DLGAP1: variants seen among roughly 807,000 people sequenced by gnomAD.
DLGAP1 encodes disks large-associated protein 1.
Under a neutral mutation model 90.8 loss-of-function variants are expected in DLGAP1, and 11 were observed. The ratio of observed to expected loss-of-function variants is 0.12; its 90% CI spans 0.08 to 0.20. The LOEUF (loss-of-function observed/expected upper bound fraction) is 0.20. Among genes scored for constraint, DLGAP1 ranks in the 10% least tolerant of loss-of-function variants. DLGAP1 has a pLI of 1.00. For missense variants in DLGAP1, 1,050 were observed against 1,333.8 expected, an observed-to-expected ratio of 0.79 and a Z score of 3.31; for synonymous variants, 558 against 540.7, an observed-to-expected ratio of 1.03 and a Z score of -0.44.
chr18:3,783,796 C>T lies in DLGAP1; in HGVS notation c.1172+30263G>A, dbSNP rs560814501. 2.7e-3 allele frequency among the ~76,000 whole-genome samples: 405 copies of T among 152,272 alleles called. 4 individuals carry two copies. The highest frequency in any genetic ancestry group is 9.4e-3 in the African/African-American group (390 of 41,552). On this transcript the variant is annotated intron_variant, in intron 5 of 12. Coordinates refer to ENST00000315677, the MANE Select transcript of DLGAP1 (RefSeq NM_004746.4). ...GCATTATATCTAAATAAAGTGGTTA[C>T]TACAAAAAGCAATATCCTTTGGAAG...
At chr18:3,765,215 T>C (rs147115187) in intron 5 of DLGAP1, among the ~76,000 whole-genome samples, 2,060 of 147,380 alleles carry the variant, frequency 0.014, 20 homozygotes, top group Non-Finnish European at 0.021. Flanking sequence ...GCAGCAAGCT[T>C]TGCCTCCCGG....
At chr18:4,007,286 T>C (rs921329938) in intron 2 of DLGAP1, among the ~76,000 whole-genome samples, 6 of 151,484 alleles carry the variant, frequency 4.0e-5, no homozygotes, top group African/African-American at 1.5e-4. Flanking sequence ...GGCTGAAGAG[T>C]GAGTGACCCT....
intron 2 of DLGAP1, among the ~76,000 whole-genome samples, chr18:4,071,858 T>C (rs1390600472): frequency 6.6e-6 from 1 of 152,214 alleles, no homozygotes; most frequent in Non-Finnish European, 1.5e-5. Flanking sequence ...TTCAACTTTG[T>C]TAATTCAAAG....
intron 2 of DLGAP1, 186 bp from the exon 3 acceptor site, chr18:4,005,387 A>G (rs948558844): frequency 3.9e-5 from 6 of 152,178 alleles, no homozygotes; most frequent in Non-Finnish European, 8.8e-5. Context: ...AAGGTCTAAG[A>G]CTGAATTCAC....
chr18:4,363,717 C>T (rs1333140447), intron 1 of DLGAP1, among the ~76,000 whole-genome samples: 1 of 152,192 alleles, frequency 6.6e-6, no homozygotes, highest in African/African-American at 2.4e-5. Context: ...TACCATCTCA[C>T]ACCAGTTAGA....
intron 3 of DLGAP1, among the ~76,000 whole-genome samples, chr18:3,990,546 A>C (rs1239827141): frequency 6.6e-6 from 1 of 151,132 alleles, no homozygotes; most frequent in African/African-American, 2.4e-5. Context: ...TGACGAGTTA[A>C]TGGGTGCAAC....
At chr18:3,782,720 T>C (rs1407400745) in intron 5 of DLGAP1, among the ~76,000 whole-genome samples, 1 of 152,232 alleles carries the variant, frequency 6.6e-6, no homozygotes, top group Non-Finnish European at 1.5e-5. Flanking sequence ...GAACGTGACT[T>C]CCCATCTTTT....
intron 11 of DLGAP1, 116 bp from the exon 12 acceptor site, chr18:3,502,761 T>C (rs564794923): frequency 1.3e-5 from 15 of 1,169,194 alleles, no homozygotes; most frequent in African/African-American, 1.2e-4. Flanking sequence ...TCCTTTTGGT[T>C]TTCCGACACG....
At position 3,653,525 on chromosome 18, in the gene DLGAP1, C is replaced by T. The variant is rs2059384842; in HGVS notation, c.1592-71277G>A. ...GACACAAAATGGGTTTTTCTTTTTGCTGATTTAAAAAGCTGCTATGAAGCT... is the reference window on the plus strand; with the variant it reads ...GACACAAAATGGGTTTTTCTTTTTGTTGATTTAAAAAGCTGCTATGAAGCT... On this transcript the variant is annotated intron_variant, in intron 7 of 12. Transcript: ENST00000315677. The surrounding 1 kb of genome is among the most constrained non-coding windows in gnomAD (Gnocchi z 4.6). 6.6e-6 allele frequency: 1 copy of T among 151,982 alleles called. No homozygotes were observed. Among genetic ancestry groups the T allele is most frequent in the Admixed American group, 6.6e-5 (1 of 15,252 alleles). 9.4% of individuals were successfully genotyped at this position (151,982 alleles called of 1,614,324 possible). A position where few individuals can be genotyped will look rare whatever the true frequency, so the allele number is the denominator to read the frequency against.
intron 10 of DLGAP1, among the ~76,000 whole-genome samples, chr18:3,531,955 A>G (rs1182068852): frequency 6.6e-6 from 1 of 152,098 alleles, no homozygotes; most frequent in African/African-American, 2.4e-5. Flanking sequence ...TCTGGGTTTA[A>G]GCAATTCTCC....
At chr18:4,269,550 T>G (rs531927325) in intron 1 of DLGAP1, among the ~76,000 whole-genome samples, 1 of 151,748 alleles carries the variant, frequency 6.6e-6, no homozygotes, top group Admixed American at 6.6e-5. Flanking sequence ...GAGACGGGGT[T>G]TCACCGTGTT....
chr18:3,865,781 C>A (rs1356608004), intron 4 of DLGAP1, among the ~76,000 whole-genome samples: 2 of 152,106 alleles, frequency 1.3e-5, no homozygotes, highest in African/African-American at 4.8e-5. Flanking sequence ...AACGGCTACC[C>A]CAGAAACTTC....
intron 6 of DLGAP1, among the ~76,000 whole-genome samples, chr18:3,730,873 A>C (rs2147481363): frequency 6.6e-6 from 1 of 152,360 alleles, no homozygotes; most frequent in Admixed American, 6.5e-5. Flanking sequence ...GCTAATAACT[A>C]TATGTGTCCA....
chr18:4,426,991 T>C (rs745518021), intron 1 of DLGAP1, among the ~76,000 whole-genome samples: 4 of 152,222 alleles, frequency 2.6e-5, no homozygotes, highest in Admixed American at 6.5e-5. Flanking sequence ...AAAGGCATTA[T>C]AGATTTTGAA....
At chr18:4,239,209 G>T (rs1568466185) in intron 1 of DLGAP1, among the ~76,000 whole-genome samples, 1 of 152,150 alleles carries the variant, frequency 6.6e-6, no homozygotes, top group Non-Finnish European at 1.5e-5. Flanking sequence ...TATCACATTT[G>T]CACTTTTCAA....
At position 3,879,574 on chromosome 18, in the gene DLGAP1, C is replaced by T. The variant is rs561576957; in HGVS notation, c.495G>A (p.Gly165=). The change falls in exon 4 of 13, where the codon GGG becomes GGA. Residue 165 remains glycine (G), a synonymous_variant. Transcript: ENST00000315677. This position sits in a 1 kb window ranked among gnomAD's most constrained non-coding sequence, Gnocchi z 6.6. The stretch of plus-strand genomic sequence containing the variant: ...GCGCCTCGTCAGGGCTGGCCTTGCC[C>T]CCGTTGACGCTGCCCTTGGACGGCC... The part of the protein sequence containing the change: ...LEGPSKGSVN[G]GKASPDEAQA... The T allele has an allele frequency of 3.7e-5, 59 of 1,599,450 alleles. 1 individual carries two copies. In the South Asian group the frequency reaches 6.4e-4, roughly 17 times the overall value.
chr18:4,206,208 C>T (rs1201867568), intron 1 of DLGAP1, among the ~76,000 whole-genome samples: 2 of 152,026 alleles, frequency 1.3e-5, no homozygotes, highest in African/African-American at 4.8e-5. Flanking sequence ...GTGAATAGGT[C>T]TCAAAAGTAA....
chr18:3,509,631 T>C (rs2050428714), intron 10 of DLGAP1, among the ~76,000 whole-genome samples: 1 of 152,130 alleles, frequency 6.6e-6, no homozygotes. Context: ...TCTCTGGAAA[T>C]CTTCACGGGA....
chr18:4,019,907 A>G (rs1007382048), intron 2 of DLGAP1, among the ~76,000 whole-genome samples: 3 of 152,234 alleles, frequency 2.0e-5, no homozygotes, highest in African/African-American at 7.2e-5. Context: ...TAAAGGGCAT[A>G]TAATTTTATA....
Sources: allele counts gnomAD v4.1 joint callset (sites outside exome capture counted in the v4.1 genomes callset), GRCh38; gene constraint gnomAD v4.1.1; non-coding constraint Gnocchi (gnomAD v3.1); transcripts MANE v1.5; gene names NCBI Gene and HGNC (gene_info 2026-07-23, HGNC 2026-07-21).